The following PTP4A3 variants were observed in gnomAD, a reference collection of about 807,000 sequenced individuals.
PTP4A3 encodes protein tyrosine phosphatase type IVA 3.
A neutral mutation model predicts 15.2 loss-of-function variants in PTP4A3; 9 were observed. That is an observed-to-expected ratio of 0.59 (90% CI 0.36 to 1.03). The LOEUF (loss-of-function observed/expected upper bound fraction) is 1.03. Among genes scored for constraint, PTP4A3 ranks in the 50% least tolerant of loss-of-function variants. The pLI, the probability that PTP4A3 is intolerant of heterozygous loss-of-function variation, is 0.02. For missense variants in PTP4A3, 234 were observed against 252.1 expected (o/e 0.93, Z 0.49); for synonymous variants, 95 against 102.0 (o/e 0.93, Z 0.41).
intron 1 of PTP4A3, among the ~76,000 whole-genome samples, chr8:141,409,837 G>A (rs546834247): frequency 1.3e-5 from 2 of 152,360 alleles, no homozygotes; most frequent in East Asian, 3.9e-4. Flanking sequence ...TTGCGCTGGC[G>A]AGGGGCCGTG....
At chr8:141,415,363 C>G (rs530726138) in intron 1 of PTP4A3, among the ~76,000 whole-genome samples, 82 of 152,032 alleles carry the variant, frequency 5.4e-4, no homozygotes, top group African/African-American at 1.9e-3. Flanking sequence ...CCCTCCCGCC[C>G]CCTCCCGCTC....
chr8:141,423,342 A>G (rs1174905682), intron 2 of PTP4A3, among the ~76,000 whole-genome samples: 1 of 152,246 alleles, frequency 6.6e-6, no homozygotes, highest in African/African-American at 2.4e-5. Flanking sequence ...TGGCGAGAAC[A>G]GCACGGTGAG....
In PTP4A3 at chr8:141,431,268, C is replaced by T. The variant is rs1342583731; in HGVS notation, c.*224C>T. The T allele has an allele frequency of 5.2e-6, 3 of 572,988 alleles. No individual in the cohort carries two copies. The highest frequency in any genetic ancestry group is 9.3e-6 in the Non-Finnish European group (3 of 324,108). The allele number at this position is 572,988 out of a possible 1,614,324, so 35.5% of individuals were successfully genotyped here. On this transcript the variant is annotated 3_prime_UTR_variant, in exon 6 of 6. Coordinates refer to ENST00000521578, the MANE Select transcript of PTP4A3 (RefSeq NM_032611.3). ...GCCCTTTCTCCTGTCTCCGCCACTC[C>T]CTCTGGCGGCGCTGGCCGTGGCTCT... is the stretch of plus-strand genomic sequence containing the variant.
intron 5 of PTP4A3, among the ~76,000 whole-genome samples, chr8:141,429,578 A>C (rs1563742517): frequency 6.6e-6 from 1 of 151,578 alleles, no homozygotes; most frequent in Non-Finnish European, 1.5e-5. Flanking sequence ...TTCTGCTGTA[A>C]GGACCCGGTG....
At chr8:141,417,241 C>T (rs1330868086) in intron 1 of PTP4A3, among the ~76,000 whole-genome samples, 1 of 152,190 alleles carries the variant, frequency 6.6e-6, no homozygotes, top group East Asian at 1.9e-4. Flanking sequence ...GGTGTTACCT[C>T]AGGGTGTTCC....
chr8:141,401,094 C>T (rs1230510097), intron 1 of PTP4A3, among the ~76,000 whole-genome samples: 2 of 152,160 alleles, frequency 1.3e-5, no homozygotes, highest in Non-Finnish European at 2.9e-5. Flanking sequence ...TCTTCTGGGC[C>T]AGCAGCCGGA....
intron 1 of PTP4A3, chr8:141,392,653 G>T (rs1832320143): frequency 6.6e-6 from 1 of 152,386 alleles, no homozygotes; most frequent in South Asian, 2.1e-4. Context: ...AGCACACCCC[G>T]GTAGAATCAG....
At chr8:141,423,628 G>C (rs1833433042) in intron 2 of PTP4A3, among the ~76,000 whole-genome samples, 1 of 151,958 alleles carries the variant, frequency 6.6e-6, no homozygotes, top group South Asian at 2.1e-4. Context: ...CCAAGGTTGG[G>C]GCTCAGTGTT....
At chr8:141,403,248 G>A (rs1832640865) in intron 1 of PTP4A3, among the ~76,000 whole-genome samples, 2 of 152,228 alleles carry the variant, frequency 1.3e-5, no homozygotes, top group Non-Finnish European at 1.5e-5. Flanking sequence ...CAGCGGCCTC[G>A]CGCGGGGCCA....
chr8:141,414,746 C>T (rs1177220683), intron 1 of PTP4A3, among the ~76,000 whole-genome samples: 1 of 151,864 alleles, frequency 6.6e-6, no homozygotes, highest in Admixed American at 6.6e-5. Context: ...TAAGGGTGGA[C>T]TTCTTAGTGA....
rs1384268235 is a variant in PTP4A3, at chr8:141,421,468, G to T, written c.-773G>T. 6.6e-6 allele frequency: 1 copy of T among 152,358 alleles called. No individual in the cohort carries two copies. The highest frequency in any genetic ancestry group is 2.4e-5 in the African/African-American group (1 of 41,444). The allele number at this position is 152,358 out of a possible 1,614,324, so 9.4% of individuals were successfully genotyped here. On this transcript the variant is annotated 5_prime_UTR_variant, in exon 2 of 6. Coordinates refer to ENST00000521578, the MANE Select transcript of PTP4A3 (RefSeq NM_032611.3). ...CCTAAGCACTGCTGCGCCCAGGGTC[G>T]CCGCGCCTCCTGCTGAGGGGTCCCC...
chr8:141,405,678 T>G (rs73713622), intron 1 of PTP4A3, among the ~76,000 whole-genome samples: 1,790 of 151,684 alleles, frequency 0.012, 37 homozygotes, highest in African/African-American at 0.041. Context: ...CTGTGGCCGG[T>G]CTCTTGTCCT....
At chr8:141,429,484 G>A (rs1213885653) in intron 5 of PTP4A3, among the ~76,000 whole-genome samples, 4 of 152,250 alleles carry the variant, frequency 2.6e-5, no homozygotes, top group African/African-American at 9.6e-5. Context: ...TCAAGGACCA[G>A]GTGGCGGGGC....
At chr8:141,412,780 TGGTGATG>T (rs1194752323) in intron 1 of PTP4A3, among the ~76,000 whole-genome samples, 1 of 152,232 alleles carries the variant, frequency 6.6e-6, no homozygotes, top group Non-Finnish European at 1.5e-5. Context: ...TATTCTCATC[TGGTGATG>T]GGTTCATAAT....
At position 141,410,844 on chromosome 8, in the gene PTP4A3, C is replaced by T. The variant is rs7004061; in HGVS notation, c.-853-10544C>T. ...TGGGCTGAGCAATGGCCAGGCCTTG[C>T]GGGTGGAAAGGAGCTGTCCCCTCCC... On this transcript the variant is annotated intron_variant, in intron 1 of 5. Transcript: ENST00000521578. Among the ~76,000 whole-genome samples the T allele has an allele frequency of 4.6e-5, 7 of 151,830 alleles. No homozygotes were observed. The East Asian group carries it at 1.2e-3, about 26-fold the overall frequency.
At chr8:141,424,848 TG>T (rs1833492629) in intron 2 of PTP4A3, among the ~76,000 whole-genome samples, 199 bp from the exon 3 acceptor site, 1 of 151,914 alleles carries the variant, frequency 6.6e-6, no homozygotes, top group South Asian at 2.1e-4. Context: ...TGCCCTTCCC[TG>T]GGGGCTTCAG....
At chr8:141,405,975 T>C (rs1181713035) in intron 1 of PTP4A3, among the ~76,000 whole-genome samples, 2 of 151,316 alleles carry the variant, frequency 1.3e-5, no homozygotes, top group Admixed American at 6.6e-5. Context: ...AGGGGAGTGG[T>C]AGGAGGTCAG....
intron 1 of PTP4A3, among the ~76,000 whole-genome samples, chr8:141,417,399 G>C (rs1282618688): frequency 6.6e-6 from 1 of 152,116 alleles, no homozygotes; most frequent in African/African-American, 2.4e-5. Context: ...CCGGGCGGTG[G>C]GGCTGGTGGG....
At chr8:141,394,857 A>G (rs1456241991) in intron 1 of PTP4A3, among the ~76,000 whole-genome samples, 3 of 152,188 alleles carry the variant, frequency 2.0e-5, no homozygotes, top group African/African-American at 4.8e-5. Context: ...TGCACTTCGC[A>G]CAGTTACGTG....
Sources: allele counts gnomAD v4.1 joint callset (sites outside exome capture counted in the v4.1 genomes callset), GRCh38; gene constraint gnomAD v4.1.1; transcripts MANE v1.5; gene names NCBI Gene and HGNC (gene_info 2026-07-23, HGNC 2026-07-21).